EFCAB11: variants seen among roughly 807,000 people sequenced by gnomAD.
EFCAB11 encodes the protein EF-hand calcium binding domain 11, also known as EF-hand calcium-binding domain-containing protein 11.
In EFCAB11, 14 loss-of-function variants were observed where a neutral mutation model predicts 23.0. That is an observed-to-expected ratio of 0.61 (90% CI 0.40 to 0.95). The LOEUF (loss-of-function observed/expected upper bound fraction) is 0.95. EFCAB11 is among the 40% of genes least tolerant of loss of function. EFCAB11 has a pLI of 0.00. For missense variants in EFCAB11, 198 were observed against 195.8 expected, an observed-to-expected ratio of 1.01 and a Z score of -0.07; for synonymous variants, 65 against 66.6, an observed-to-expected ratio of 0.98 and a Z score of 0.11.
rs577194708 is a variant in EFCAB11, at chr14:89,916,510, A to G, written c.410+15031T>C. Among the ~76,000 whole-genome samples, 34 of 152,346 alleles carry G rather than the reference A, an allele frequency of 2.2e-4. No individual in the cohort carries two copies. In the South Asian group the frequency reaches 2.7e-3, roughly 12 times the overall value. ...TAAAGCCTCCAAGTCTAAATCTCCA[A>G]TTGAAAGCCTAGTAAAGAAGACCAT... On this transcript the variant is annotated intron_variant, in intron 5 of 5. Transcript: ENST00000316738.
intron 5 of EFCAB11, among the ~76,000 whole-genome samples, chr14:89,908,390 C>T (rs533599497): frequency 2.4e-4 from 37 of 152,172 alleles, no homozygotes; most frequent in African/African-American, 8.0e-4. Flanking sequence ...ATCCAAACTC[C>T]GAAATGCTCC....
intron 5 of EFCAB11, among the ~76,000 whole-genome samples, chr14:89,862,267 A>G (rs747061021): frequency 6.6e-6 from 1 of 152,244 alleles, no homozygotes; most frequent in Non-Finnish European, 1.5e-5. Context: ...AACAGTTATT[A>G]TTTTAATTTC....
intron 5 of EFCAB11, among the ~76,000 whole-genome samples, chr14:89,921,389 C>T (rs1043046650): frequency 2.0e-5 from 3 of 152,138 alleles, no homozygotes; most frequent in Non-Finnish European, 2.9e-5. Context: ...GAATAAAAAG[C>T]TATTGAAGTT....
rs374723589 is a variant in EFCAB11 at position 89,929,403 on chromosome 14, T to A, written c.410+2138A>T. On this transcript the variant is annotated intron_variant, in intron 5 of 5. Coordinates refer to ENST00000316738, the MANE Select transcript of EFCAB11 (RefSeq NM_145231.4). ...AAAATCACCACAACTTTACAGATTT[T>A]TGAGACAGAGTCTCACTCTGTCACC... Among the ~76,000 whole-genome samples, 71 of 152,256 alleles carry A rather than the reference T, an allele frequency of 4.7e-4. No individual in the cohort carries two copies. In the South Asian group the frequency reaches 0.014, roughly 30 times the overall value.
At chr14:89,945,800 A>C (rs1890957838) in intron 3 of EFCAB11, among the ~76,000 whole-genome samples, 1 of 152,124 alleles carries the variant, frequency 6.6e-6, no homozygotes, top group Non-Finnish European at 1.5e-5. Flanking sequence ...CTACTTGCTT[A>C]ATTATTGATA....
intron 5 of EFCAB11, among the ~76,000 whole-genome samples, chr14:89,816,580 C>G (rs1886344755): frequency 6.6e-6 from 1 of 152,150 alleles, no homozygotes; most frequent in Admixed American, 6.5e-5. Flanking sequence ...TAATCTTTAA[C>G]TTCTGAAAAC....
intron 2 of EFCAB11, among the ~76,000 whole-genome samples, chr14:89,953,124 A>G (rs1891237545): frequency 6.6e-6 from 1 of 152,044 alleles, no homozygotes; most frequent in African/African-American, 2.4e-5. Context: ...TCCATGACCT[A>G]GCAGTTATAC....
At chr14:89,928,271 G>C (rs766864436) in intron 5 of EFCAB11, among the ~76,000 whole-genome samples, 3 of 152,056 alleles carry the variant, frequency 2.0e-5, no homozygotes, top group Non-Finnish European at 4.4e-5. Context: ...CATGGTTAAA[G>C]TATAGAAATT....
chr14:89,834,439 A>T (rs1444729517), intron 5 of EFCAB11, among the ~76,000 whole-genome samples: 1 of 150,142 alleles, frequency 6.7e-6, no homozygotes, highest in Non-Finnish European at 1.5e-5. Flanking sequence ...TTGTGAGTCT[A>T]CTTGCAACCG....
intron 2 of EFCAB11, among the ~76,000 whole-genome samples, chr14:89,951,901 G>A (rs1891181984): frequency 6.6e-6 from 1 of 152,104 alleles, no homozygotes; most frequent in Admixed American, 6.5e-5. Context: ...CTCTAGCCTG[G>A]GTGACAGAGC....
At chr14:89,850,811 C>G (rs185434169) in intron 5 of EFCAB11, among the ~76,000 whole-genome samples, 1 of 152,146 alleles carries the variant, frequency 6.6e-6, no homozygotes. Flanking sequence ...GAGGATTTCA[C>G]GCTACATGGC....
intron 5 of EFCAB11, among the ~76,000 whole-genome samples, chr14:89,818,302 A>AG (rs1886397035): frequency 6.6e-6 from 1 of 152,214 alleles, no homozygotes; most frequent in Non-Finnish European, 1.5e-5. Flanking sequence ...ATAGCAAGTA[A>AG]AGACAAGTGA....
intron 5 of EFCAB11, among the ~76,000 whole-genome samples, chr14:89,914,937 C>G (rs1467748890): frequency 6.6e-6 from 1 of 151,964 alleles, no homozygotes; most frequent in African/African-American, 2.4e-5. Flanking sequence ...TTTTTCAGGG[C>G]TAAACAGTAA....
chr14:89,874,889 C>CAAAA (rs756026860), intron 5 of EFCAB11, among the ~76,000 whole-genome samples: 8 of 136,038 alleles, frequency 5.9e-5, no homozygotes, highest in African/African-American at 2.2e-4. Context: ...GAAACTGTCT[C>CAAAA]AAAAAAAAAA....
chr14:89,892,603 G>A (rs1469296745), intron 5 of EFCAB11, among the ~76,000 whole-genome samples: 1 of 152,174 alleles, frequency 6.6e-6, no homozygotes, highest in Non-Finnish European at 1.5e-5. Context: ...GGTTTCTACA[G>A]AAAAGAAAGG....
intron 5 of EFCAB11, among the ~76,000 whole-genome samples, chr14:89,835,585 CGTGTGTGTGTGTGTGTGTGTGTGTGTGT>C (rs67831579): frequency 9.6e-5 from 9 of 93,342 alleles, no homozygotes; most frequent in African/African-American, 3.2e-4. Flanking sequence ...GGATGCTCAA[CGTGTGTGTGTGTGTGTGTGTGTGTGTGT>C]GTGTGTGTGT....
chr14:89,902,562 G>T (rs79081057), intron 5 of EFCAB11, among the ~76,000 whole-genome samples: 8,207 of 152,126 alleles, frequency 0.054, 377 homozygotes, highest in African/African-American at 0.12. Context: ...TAATCTCAAG[G>T]CTTCCAAGAA....
intron 4 of EFCAB11, 143 bp downstream of exon 4, chr14:89,932,383 A>G: frequency 1.6e-6 from 1 of 628,950 alleles, no homozygotes; most frequent in Non-Finnish European, 2.7e-6. Context: ...AAAAATGTGC[A>G]TCAATACCTA....
At chr14:89,839,074 G>A (rs1596393920) in intron 5 of EFCAB11, among the ~76,000 whole-genome samples, 1 of 152,194 alleles carries the variant, frequency 6.6e-6, no homozygotes. Flanking sequence ...GGACAAATCA[G>A]TCAGATAGCA....
Sources: allele counts gnomAD v4.1 joint callset (sites outside exome capture counted in the v4.1 genomes callset), GRCh38; gene constraint gnomAD v4.1.1; transcripts MANE v1.5; gene names NCBI Gene and HGNC (gene_info 2026-07-23, HGNC 2026-07-21).